Variants in ZRANB3 observed in about 807,000 individuals in gnomAD.
ZRANB3 encodes DNA annealing helicase and endonuclease ZRANB3.
A neutral mutation model predicts 133.8 loss-of-function variants in ZRANB3; 125 were observed. The ratio of observed to expected loss-of-function variants is 0.93; its 90% CI spans 0.81 to 1.08. ZRANB3 has a LOEUF of 1.08. Among genes scored for constraint, ZRANB3 ranks in the 50% least tolerant of loss-of-function variants. The pLI, the probability that ZRANB3 is intolerant of heterozygous loss-of-function variation, is 0.00. For missense variants in ZRANB3, 1,229 were observed against 1,275.5 expected (o/e 0.96, Z 0.56); for synonymous variants, 387 against 432.7 (o/e 0.89, Z 1.31).
At chr2:135,406,938 T>A (rs1688063088) in intron 2 of ZRANB3, among the ~76,000 whole-genome samples, 1 of 152,032 alleles carries the variant, frequency 6.6e-6, no homozygotes, top group Admixed American at 6.6e-5. Context: ...CTCTCACCAC[T>A]CCTATTCAAC....
At chr2:135,481,823 T>G (rs1291500079) in intron 2 of ZRANB3, among the ~76,000 whole-genome samples, 2 of 151,332 alleles carry the variant, frequency 1.3e-5, no homozygotes, top group Admixed American at 1.3e-4. Flanking sequence ...CAGTTTCAGC[T>G]TTCTACATAT....
chr2:135,228,277 T>C (rs1694837963), intron 13 of ZRANB3: 1 of 262,854 alleles, frequency 3.8e-6, no homozygotes, highest in Non-Finnish European at 7.1e-6. Flanking sequence ...AGGTAAATAG[T>C]ATATTTTCAG....
At chr2:135,219,828 T>G (rs1231919431) in intron 15 of ZRANB3, among the ~76,000 whole-genome samples, 1 of 152,172 alleles carries the variant, frequency 6.6e-6, no homozygotes, top group African/African-American at 2.4e-5. Flanking sequence ...TAAGTGGAAC[T>G]GCATTTAGGT....
At position 135,265,527 on chromosome 2, in the gene ZRANB3, A is replaced by G. The variant is rs1194768580; in HGVS notation, c.1539+7T>C. On this transcript the variant is annotated splice_region_variant and intron_variant, in intron 12 of 20. Coordinates refer to ENST00000264159, the MANE Select transcript of ZRANB3 (RefSeq NM_032143.4). ...AAAATAGAAAAGAGTAAGGCATATA[A>G]TCTTACGTGAGTGAACAAAGCTTCC... The G allele has an allele frequency of 2.5e-6, 4 of 1,609,816 alleles. No individual in the cohort carries two copies. The highest frequency in any genetic ancestry group is 2.5e-6 in the Non-Finnish European group (3 of 1,178,190).
At position 135,207,624 on chromosome 2, in the gene ZRANB3, C is replaced by T. The variant is rs1430151889; in HGVS notation, c.2819G>A (p.Cys940Tyr). The T allele has an allele frequency of 6.2e-7, 1 of 1,613,900 alleles. No individual in the cohort carries two copies. ...AGATCGAATCCAAAACTCTTCCTGA[C>T]ATTTCAGAGAGCAAAACCGTGAATC... ...SWDSRFCSLK[C>Y]QEEFWIRSNN... is the part of the protein sequence containing the mutation. Residue 940 changes from cysteine (C) to tyrosine (Y), a missense_variant, in exon 19 of 21, where the codon TGT becomes TAT. By Grantham distance (194) the Cys-to-Tyr change is radical. Transcript: ENST00000264159.
At chr2:135,246,100 G>A (rs1695791911) in intron 12 of ZRANB3, among the ~76,000 whole-genome samples, 1 of 135,488 alleles carries the variant, frequency 7.4e-6, no homozygotes, top group South Asian at 2.5e-4. Context: ...GTGCAATGGT[G>A]TGATCTCGGC....
Position 135,353,596 on chromosome 2 carries a change from TCCAATTG to T in ZRANB3, c.206_212del (p.Ala69GlufsTer13), listed in dbSNP as rs775653985. ...ATTCCTCTTTATAGAAGTAAGTAAT[TCCAATTG>T]CCTGGATTGTCTTTCCTAGACCCAT... On this transcript the variant is annotated frameshift_variant, in exon 4 of 21. Coordinates refer to ENST00000264159, the MANE Select transcript of ZRANB3 (RefSeq NM_032143.4). LOFTEE classifies it high-confidence loss of function. 22 of 1,589,894 alleles carry T rather than the reference TCCAATTG, an allele frequency of 1.4e-5. No individual in the cohort carries two copies. Among genetic ancestry groups the T allele is most frequent in the Non-Finnish European group, 1.8e-5 (21 of 1,167,742 alleles).
chr2:135,349,930 C>T (rs868647065), intron 5 of ZRANB3, 54 bp downstream of exon 5: 16 of 1,510,184 alleles, frequency 1.1e-5, no homozygotes, highest in Admixed American at 3.5e-5. Context: ...TGATTCAATA[C>T]GCCTCCCACC....
intron 12 of ZRANB3, among the ~76,000 whole-genome samples, chr2:135,248,897 C>G (rs959282374): frequency 5.9e-5 from 9 of 152,026 alleles, no homozygotes; most frequent in African/African-American, 2.2e-4. Flanking sequence ...GAAAGCAAGA[C>G]TCTGTCTCAA....
chr2:135,500,223 T>C (rs1036266762), intron 2 of ZRANB3, among the ~76,000 whole-genome samples: 3 of 152,186 alleles, frequency 2.0e-5, no homozygotes, highest in African/African-American at 7.2e-5. Flanking sequence ...AATATAGGCA[T>C]TATCTACTAA....
At position 135,353,517 on chromosome 2, in the gene ZRANB3, T is replaced by C; in HGVS notation, c.292A>G (p.Ile98Val). ...SSLRYPWTEE[I>V]EKWIPELSPE... ...CTTAGCTCTGGGATCCATTTTTCAATTTCTTCTGTCCAAGGGTACCTCAGA... is the reference window on the plus strand; with the variant it reads ...CTTAGCTCTGGGATCCATTTTTCAACTTCTTCTGTCCAAGGGTACCTCAGA... The change falls in exon 4 of 21, where the codon ATT becomes GTT. Residue 98 changes from isoleucine (I) to valine (V), a missense_variant. By Grantham distance (29) the Ile-to-Val change is conservative. Coordinates refer to ENST00000264159, the MANE Select transcript of ZRANB3 (RefSeq NM_032143.4). 1.2e-6 allele frequency: 2 copies of C among 1,610,532 alleles called. No individual in the cohort carries two copies. The highest frequency in any genetic ancestry group is 1.3e-5 in the African/African-American group (1 of 74,956).
At chr2:135,221,461 C>T (rs1573698485) in intron 15 of ZRANB3, among the ~76,000 whole-genome samples, 1 of 152,304 alleles carries the variant, frequency 6.6e-6, no homozygotes, top group East Asian at 1.9e-4. Flanking sequence ...CTACCAGGAG[C>T]TTGCAGTTCT....
chr2:135,382,050 A>C (rs753372687), intron 3 of ZRANB3, among the ~76,000 whole-genome samples: 20 of 152,336 alleles, frequency 1.3e-4, no homozygotes, highest in Non-Finnish European at 2.2e-4. Context: ...TCTTCGAGCT[A>C]AAGGAGGAAG....
intron 2 of ZRANB3, among the ~76,000 whole-genome samples, chr2:135,408,159 G>C (rs1688131680): frequency 6.6e-6 from 1 of 151,792 alleles, no homozygotes; most frequent in Admixed American, 6.6e-5. Flanking sequence ...CAAAAAGTGG[G>C]CAAAGGATAT....
intron 8 of ZRANB3, among the ~76,000 whole-genome samples, chr2:135,285,595 A>T (rs1681316213): frequency 1.3e-5 from 2 of 152,388 alleles, no homozygotes; most frequent in South Asian, 4.1e-4. Flanking sequence ...TTTGTGCATA[A>T]GGAAAACGTG....
intron 2 of ZRANB3, among the ~76,000 whole-genome samples, chr2:135,491,803 C>A (rs572280513): frequency 6.6e-6 from 1 of 152,192 alleles, no homozygotes; most frequent in Non-Finnish European, 1.5e-5. Context: ...GTGTGAGCCA[C>A]CACGCCCAGC....
At chr2:135,356,392 T>C (rs142936091) in intron 3 of ZRANB3, among the ~76,000 whole-genome samples, 99 of 152,200 alleles carry the variant, frequency 6.5e-4, no homozygotes, top group African/African-American at 2.3e-3. Context: ...ATGTACACCA[T>C]AAATATATAT....
At chr2:135,297,036 G>A (rs927627648) in intron 8 of ZRANB3, among the ~76,000 whole-genome samples, 2 of 152,236 alleles carry the variant, frequency 1.3e-5, no homozygotes, top group African/African-American at 4.8e-5. Flanking sequence ...GGACCCACTT[G>A]AGGAGGCAGT....
At position 135,332,892 on chromosome 2, in the gene ZRANB3, T is replaced by C. The variant is rs531704588; in HGVS notation, c.677+12658A>G. 2.6e-5 allele frequency among the ~76,000 whole-genome samples: 4 copies of C among 152,316 alleles called. No homozygotes were observed. The East Asian group carries it at 5.8e-4, about 22-fold the overall frequency. On this transcript the variant is annotated intron_variant, in intron 6 of 20. Transcript: ENST00000264159. ...AGTTCATACATTACCTTTGTTCTTA[T>C]AAATATAGTTTAAGTTCCCTTGTCC...
Sources: allele counts gnomAD v4.1 joint callset (sites outside exome capture counted in the v4.1 genomes callset), GRCh38; gene constraint gnomAD v4.1.1; transcripts MANE v1.5; gene names NCBI Gene and HGNC (gene_info 2026-07-23, HGNC 2026-07-21).